Variants in DAB1 observed in about 807,000 individuals in gnomAD.
The protein encoded by DAB1 is DAB adaptor protein 1.
In DAB1, 15 loss-of-function variants were observed where a neutral mutation model predicts 64.6. The observed-to-expected ratio is 0.23, with a 90% CI of 0.16 to 0.36. The LOEUF is 0.36. Ranked by LOEUF, DAB1 falls within the 10% of genes least tolerant of loss-of-function variation. The pLI is 1.00. For synonymous variants in DAB1, 235 were observed against 251.9 expected, an observed-to-expected ratio of 0.93 and a Z score of 0.64; for missense variants, 596 against 706.7, an observed-to-expected ratio of 0.84 and a Z score of 1.78.
chr1:58,453,800 T>G (rs1052083550), intron 3 of DAB1, among the ~76,000 whole-genome samples: 3 of 152,118 alleles, frequency 2.0e-5, no homozygotes, highest in African/African-American at 7.2e-5. Flanking sequence ...TTATTGATTG[T>G]AGGACTTCAC....
chr1:57,027,560 AG>A (rs1260822078), intron 9 of DAB1, among the ~76,000 whole-genome samples: 1 of 152,150 alleles, frequency 6.6e-6, no homozygotes, highest in Admixed American at 6.5e-5. Flanking sequence ...ACCCCCCAAC[AG>A]GGGGTATATT....
At chr1:58,472,371 T>G (rs1645368738) in intron 3 of DAB1, among the ~76,000 whole-genome samples, 1 of 152,234 alleles carries the variant, frequency 6.6e-6, no homozygotes, top group African/African-American at 2.4e-5. Flanking sequence ...CCCCTTGTCC[T>G]TGGTATATTT....
At chr1:57,590,309 C>A (rs1447945787) in intron 7 of DAB1, among the ~76,000 whole-genome samples, 10 of 147,784 alleles carry the variant, frequency 6.8e-5, no homozygotes, top group East Asian at 1.9e-4. Flanking sequence ...TTTTTCTTTT[C>A]TTTTATTTAT....
intron 1 of DAB1, among the ~76,000 whole-genome samples, chr1:57,370,110 C>A (rs1680379485): frequency 1.3e-5 from 2 of 152,154 alleles, no homozygotes; most frequent in South Asian, 2.1e-4. Flanking sequence ...ACCACACCAC[C>A]TTATTTCTAA....
At chr1:57,239,773 T>C (rs1471977053) in intron 2 of DAB1, among the ~76,000 whole-genome samples, 1 of 152,194 alleles carries the variant, frequency 6.6e-6, no homozygotes, top group Non-Finnish European at 1.5e-5. Context: ...AATCAAAACA[T>C]TGCACTTCCC....
chr1:58,043,331 T>C (rs772362600), intron 5 of DAB1, among the ~76,000 whole-genome samples: 3 of 152,210 alleles, frequency 2.0e-5, no homozygotes, highest in Non-Finnish European at 4.4e-5. Flanking sequence ...TGAATGCCTT[T>C]AGGTACTATA....
chr1:58,372,776 G>A (rs1644278153), intron 3 of DAB1, among the ~76,000 whole-genome samples: 1 of 152,096 alleles, frequency 6.6e-6, no homozygotes, highest in South Asian at 2.1e-4. Flanking sequence ...AAAGTGTTTG[G>A]CAGTTTCCCT....
chr1:57,531,924 C>A (rs989643353), intron 7 of DAB1, among the ~76,000 whole-genome samples: 1 of 152,136 alleles, frequency 6.6e-6, no homozygotes, highest in Non-Finnish European at 1.5e-5. Context: ...TACCTATTTA[C>A]AACAGATGTA....
chr1:57,893,246 T>C lies in DAB1; in HGVS notation n.388-9084A>G, dbSNP rs1354651368. On this transcript the variant is annotated intron_variant and non_coding_transcript_variant, in intron 5 of 20. Transcript: ENST00000485760. ...CTAAAGGGGATTTTAACCTTTCCTG[T>C]TCAGGAGCCTGAAAGAAGCATATAA... Among the ~76,000 whole-genome samples the C allele has an allele frequency of 4.6e-5, 7 of 152,274 alleles. No homozygotes were observed. In the South Asian group the frequency reaches 1.5e-3, roughly 32 times the overall value.
Position 58,106,081 on chromosome 1 carries a change from TTTCCTTCCTTCC to T in DAB1, n.387+44418_387+44429del, listed in dbSNP as rs3053675. 2.0e-4 allele frequency among the ~76,000 whole-genome samples: 30 copies of T among 150,754 alleles called. 1 individual carries two copies. The highest frequency in any genetic ancestry group is 6.1e-4 in the African/African-American group (25 of 40,810). The stretch of plus-strand genomic sequence containing the variant: ...GTTGTTTTGGTTTTTTGTTTTTTGT[TTTCCTTCCTTCC>T]TTCCTTCCTTCCTTCCTTTTCTTTC... On this transcript the variant is annotated intron_variant and non_coding_transcript_variant, in intron 5 of 20. Transcript: ENST00000485760.
chr1:57,313,009 C>T (rs1334524908), intron 1 of DAB1, among the ~76,000 whole-genome samples: 1 of 152,070 alleles, frequency 6.6e-6, no homozygotes, highest in Non-Finnish European at 1.5e-5. Flanking sequence ...GCTCAGGAAT[C>T]CTGGGATGAG....
At chr1:58,069,596 CAG>C (rs1649105989) in intron 5 of DAB1, among the ~76,000 whole-genome samples, 1 of 152,198 alleles carries the variant, frequency 6.6e-6, no homozygotes, top group Non-Finnish European at 1.5e-5. Context: ...AGCGAGTAGA[CAG>C]AGGAGTCTGC....
chr1:57,934,991 C>G (rs1372226683), intron 5 of DAB1, among the ~76,000 whole-genome samples: 1 of 152,204 alleles, frequency 6.6e-6, no homozygotes, highest in Non-Finnish European at 1.5e-5. Context: ...TTCAGTTTCA[C>G]TCACTTAGCA....
chr1:58,447,243 G>C (rs751771988), intron 3 of DAB1, among the ~76,000 whole-genome samples: 1 of 152,178 alleles, frequency 6.6e-6, no homozygotes, highest in Non-Finnish European at 1.5e-5. Context: ...GCAAGGGGTG[G>C]CGGGAATTGC....
chr1:57,568,617 G>C (rs191644119), intron 7 of DAB1, among the ~76,000 whole-genome samples: 2 of 152,012 alleles, frequency 1.3e-5, no homozygotes, highest in Admixed American at 6.6e-5. Context: ...CCGGGCAAAA[G>C]GTATGAACAG....
At chr1:57,400,699 C>T (rs989357443) in intron 1 of DAB1, among the ~76,000 whole-genome samples, 1 of 151,756 alleles carries the variant, frequency 6.6e-6, no homozygotes, top group African/African-American at 2.4e-5. Flanking sequence ...TGAGAGAATT[C>T]TCACACAAAT....
chr1:58,268,437 A>C (rs1474457101), intron 4 of DAB1, among the ~76,000 whole-genome samples: 2 of 152,200 alleles, frequency 1.3e-5, no homozygotes, highest in African/African-American at 4.8e-5. Flanking sequence ...TTGGGCAGTT[A>C]AGTGATTTCT....
rs567410166 is a variant in DAB1, at chr1:57,778,220, T to C, written n.551+105779A>G. 2.0e-5 allele frequency among the ~76,000 whole-genome samples: 3 copies of C among 152,182 alleles called. No homozygotes were observed. The South Asian group carries it at 6.2e-4, about 32-fold the overall frequency. ...GATATACACATATGATATGATCATATGCATCTTAAGGGTAATCATATGCAT... is the reference window on the plus strand; with the variant it reads ...GATATACACATATGATATGATCATACGCATCTTAAGGGTAATCATATGCAT... On this transcript the variant is annotated intron_variant and non_coding_transcript_variant, in intron 6 of 20. Transcript: ENST00000485760.
At chr1:58,280,953 G>C (rs1661547075) in intron 4 of DAB1, among the ~76,000 whole-genome samples, 1 of 152,174 alleles carries the variant, frequency 6.6e-6, no homozygotes, top group Non-Finnish European at 1.5e-5. Flanking sequence ...GCTCTAAGAG[G>C]AGTTGGGATG....
Sources: allele counts gnomAD v4.1 joint callset (sites outside exome capture counted in the v4.1 genomes callset), GRCh38; gene constraint gnomAD v4.1.1; transcripts MANE v1.5; gene names NCBI Gene and HGNC (gene_info 2026-07-23, HGNC 2026-07-21).